MTFR1: variants seen among roughly 807,000 people sequenced by gnomAD.
MTFR1 encodes the protein mitochondrial fission regulator 1, also known as chondrocyte protein with a poly-proline region.
Under a neutral mutation model 38.8 loss-of-function variants are expected in MTFR1, and 28 were observed. The ratio of observed to expected loss-of-function variants is 0.72; its 90% CI spans 0.53 to 0.99. The LOEUF (loss-of-function observed/expected upper bound fraction) is 0.99, where lower values mean the gene tolerates loss of function less well. Ranked by LOEUF, MTFR1 falls within the 50% of genes least tolerant of loss-of-function variation. The pLI, the probability that MTFR1 is intolerant of heterozygous loss-of-function variation, is 0.00. For missense variants in MTFR1, 358 were observed against 395.5 expected, an observed-to-expected ratio of 0.91 and a Z score of 0.81; for synonymous variants, 145 against 137.0, an observed-to-expected ratio of 1.06 and a Z score of -0.41.
At chr8:65,757,514 T>C (rs1330263590) in intron 3 of MTFR1, among the ~76,000 whole-genome samples, 1 of 152,222 alleles carries the variant, frequency 6.6e-6, no homozygotes, top group African/African-American at 2.4e-5. Flanking sequence ...AAAGTGGCAG[T>C]AGTTTGGCAA....
At chr8:65,700,844 A>G (rs1563455670) in intron 4 of MTFR1, among the ~76,000 whole-genome samples, 2 of 152,200 alleles carry the variant, frequency 1.3e-5, no homozygotes, top group Non-Finnish European at 2.9e-5. Context: ...TCCTTACCCT[A>G]AAACAGTTCT....
chr8:65,660,905 T>A (rs1442634188), intron 1 of MTFR1, among the ~76,000 whole-genome samples: 1 of 152,124 alleles, frequency 6.6e-6, no homozygotes, highest in African/African-American at 2.4e-5. Context: ...AGAAATGAGC[T>A]ATCAACCATG....
chr8:65,677,756 G>A (rs1804756520), intron 2 of MTFR1, among the ~76,000 whole-genome samples: 1 of 151,132 alleles, frequency 6.6e-6, no homozygotes, highest in East Asian at 2.0e-4. Context: ...GGTGGCTCAC[G>A]CCTGTAATCC....
chr8:65,655,952 ATATATATATATATATACCAT>A (rs1327255225), intron 1 of MTFR1, among the ~76,000 whole-genome samples: 2 of 36,596 alleles, frequency 5.5e-5, no homozygotes, highest in Admixed American at 4.0e-4. Flanking sequence ...AAAAAAAAAA[ATATATATATATATATACCAT>A]ATATATATAT....
chr8:65,774,956 T>C (rs527251983), downstream of MTFR1, among the ~76,000 whole-genome samples: 15 of 152,266 alleles, frequency 9.9e-5, no homozygotes, highest in South Asian at 2.1e-4. Flanking sequence ...ACGATGAAAA[T>C]AGTTTTAACC....
At chr8:65,775,075 A>G (rs569067684), downstream of MTFR1, among the ~76,000 whole-genome samples, 1 of 152,296 alleles carries the variant, frequency 6.6e-6, no homozygotes, top group South Asian at 2.1e-4. Context: ...GTGTTCAAAT[A>G]TATTTTTGGG....
intron 3 of MTFR1, chr8:65,747,587 G>A: frequency 2.1e-6 from 2 of 956,018 alleles, no homozygotes; most frequent in Non-Finnish European, 3.1e-6. Flanking sequence ...ATTACTGTAT[G>A]GGGAATAAAG....
intron 4 of MTFR1, among the ~76,000 whole-genome samples, chr8:65,694,488 C>A (rs1805377916): frequency 1.3e-5 from 2 of 152,126 alleles, no homozygotes; most frequent in Admixed American, 6.5e-5. Context: ...TAATTATGTC[C>A]TAAGTCCTCA....
downstream of MTFR1, among the ~76,000 whole-genome samples, chr8:65,712,682 C>G (rs1805985762): frequency 6.6e-6 from 1 of 152,156 alleles, no homozygotes; most frequent in South Asian, 2.1e-4. Context: ...GTCTGACAAG[C>G]TGTAAAGACA....
At chr8:65,719,199 G>C (rs1341102617) in intron 2 of MTFR1, 2 of 813,394 alleles carry the variant, frequency 2.5e-6, no homozygotes, top group Non-Finnish European at 4.2e-6. Context: ...TGGAAACCTT[G>C]GCAGTCAAGA....
At chr8:65,730,193 T>TTTTTTTTTTTC (rs1321443430) in intron 3 of MTFR1, among the ~76,000 whole-genome samples, 19 of 137,066 alleles carry the variant, frequency 1.4e-4, no homozygotes, top group African/African-American at 4.9e-4. Context: ...TTTTTTTTTT[T>TTTTTTTTTTTC]TTTTGAGATG....
rs186654259 is a variant in MTFR1, at chr8:65,650,282, C to T, written c.-81+5498C>T. Among the ~76,000 whole-genome samples the T allele has an allele frequency of 5.7e-4, 79 of 138,904 alleles. No homozygotes were observed. The East Asian group carries it at 0.016, about 28-fold the overall frequency. 91.1% of individuals were successfully genotyped at this position (138,904 alleles called of 152,430 possible). A position where few individuals can be genotyped will look rare whatever the true frequency, so the allele number is the denominator to read the frequency against. On this transcript the variant is annotated intron_variant, in intron 1 of 7. Transcript: ENST00000262146. ...CCGCCTCCCAGGTTCAAGCAATTCT[C>T]TGCCTCAGCCTCCCGAGTAGCTGGG...
At chr8:65,666,581 G>A (rs943128383) in intron 1 of MTFR1, among the ~76,000 whole-genome samples, 2 of 152,114 alleles carry the variant, frequency 1.3e-5, no homozygotes, top group Admixed American at 6.6e-5. Context: ...TACTAACTAT[G>A]CTTTAGTTTG....
chr8:65,717,383 T>C (rs1471313755), intron 2 of MTFR1: 1 of 152,214 alleles, frequency 6.6e-6, no homozygotes, highest in African/African-American at 2.4e-5. Context: ...TTGATAGAAA[T>C]AAATACAACT....
chr8:65,756,523 G>A (rs1212040659), intron 3 of MTFR1, among the ~76,000 whole-genome samples: 1 of 151,916 alleles, frequency 6.6e-6, no homozygotes, highest in Admixed American at 6.6e-5. Flanking sequence ...CTGCTCAAAG[G>A]TTTCAACAGC....
chr8:65,777,583 T>C, the MTFR1 span, among the ~76,000 whole-genome samples: 2 of 152,222 alleles, frequency 1.3e-5, no homozygotes, highest in African/African-American at 4.8e-5. Context: ...CACAACCTTG[T>C]CATGTTGTAG....
intron 6 of MTFR1, 145 bp downstream of exon 6, chr8:65,707,401 A>C: frequency 9.4e-5 from 73 of 777,246 alleles, no homozygotes; most frequent in East Asian, 2.7e-5. Context: ...TGGCTTCTAT[A>C]CACAGTAGCT....
At chr8:65,736,787 TCTG>T (rs1202247240) in intron 3 of MTFR1, among the ~76,000 whole-genome samples, 6 of 114,200 alleles carry the variant, frequency 5.3e-5, no homozygotes, top group Middle Eastern at 4.6e-3. Flanking sequence ...AATAAATTTA[TCTG>T]TTTTTTTTTT....
At chr8:65,710,942 T>C (rs1805925616), downstream of MTFR1, among the ~76,000 whole-genome samples, 1 of 151,958 alleles carries the variant, frequency 6.6e-6, no homozygotes, top group African/African-American at 2.4e-5. Context: ...TAACTAACTT[T>C]CCTATGTTTT....
Sources: gnomAD v4.1 joint callset for allele counts (sites outside exome capture counted in the v4.1 genomes callset) on GRCh38, gnomAD v4.1.1 for gene constraint, MANE v1.5 for transcripts, NCBI Gene and HGNC (gene_info 2026-07-23, HGNC 2026-07-21) for gene names.